Variants in PRKG1 observed in about 807,000 individuals in gnomAD.
PRKG1 encodes protein kinase cGMP-dependent 1, also known as cGMP-dependent protein kinase 1.
In PRKG1, 35 loss-of-function variants were observed where a neutral mutation model predicts 88.1. That is an observed-to-expected ratio of 0.40 (90% CI 0.30 to 0.53). PRKG1 has a LOEUF of 0.53. Ranked by LOEUF, PRKG1 falls within the 20% of genes least tolerant of loss-of-function variation. The probability of loss-of-function intolerance (pLI) is 0.59; values close to 1 mark genes in which losing one functional copy is unlikely to be tolerated. For missense variants in PRKG1, 540 were observed against 839.8 expected (o/e 0.64, Z 4.41); for synonymous variants, 303 against 292.5 (o/e 1.04, Z -0.37).
intron 3 of PRKG1, chr10:51,697,516 C>T (rs367823598): frequency 3.2e-6 from 2 of 623,204 alleles, no homozygotes; most frequent in African/African-American, 2.0e-5. Flanking sequence ...CCCTCCTCCC[C>T]CCACCCTCAA....
intron 3 of PRKG1, among the ~76,000 whole-genome samples, chr10:51,705,693 T>G (rs1589219468): frequency 6.6e-6 from 1 of 152,194 alleles, no homozygotes; most frequent in South Asian, 2.1e-4. Flanking sequence ...TGCAACCTTT[T>G]GAAGATAGGC....
At chr10:51,731,032 T>C (rs1842259962) in intron 3 of PRKG1, among the ~76,000 whole-genome samples, 1 of 152,062 alleles carries the variant, frequency 6.6e-6, no homozygotes, top group South Asian at 2.1e-4. Context: ...GGTGGGTGCC[T>C]GTAATCCCAG....
intron 9 of PRKG1, among the ~76,000 whole-genome samples, chr10:52,166,380 T>C (rs1300758074): frequency 6.6e-6 from 1 of 151,872 alleles, no homozygotes; most frequent in African/African-American, 2.4e-5. Flanking sequence ...ACTATTTGGT[T>C]CTAAGAATAA....
chr10:52,204,031 T>C (rs1443051600), intron 9 of PRKG1, among the ~76,000 whole-genome samples: 1 of 152,026 alleles, frequency 6.6e-6, no homozygotes, highest in Non-Finnish European at 1.5e-5. Context: ...AAGGTTAATA[T>C]TAATATGTGT....
At chr10:51,191,396 G>A (rs993958827) in intron 2 of PRKG1, among the ~76,000 whole-genome samples, 9 of 151,754 alleles carry the variant, frequency 5.9e-5, no homozygotes, top group African/African-American at 2.2e-4. Flanking sequence ...GTGAAATAGT[G>A]CTTACCTTGT....
intron 5 of PRKG1, among the ~76,000 whole-genome samples, chr10:51,928,179 A>C (rs1424246164): frequency 6.6e-6 from 1 of 152,176 alleles, no homozygotes; most frequent in South Asian, 2.1e-4. Flanking sequence ...GAGGTGGGAG[A>C]GAAAAAGTGT....
chr10:51,044,875 A>G (rs1294036052), intron 1 of PRKG1, among the ~76,000 whole-genome samples: 1 of 152,184 alleles, frequency 6.6e-6, no homozygotes, highest in Non-Finnish European at 1.5e-5. Flanking sequence ...TGAGTGTTTT[A>G]TCATGATGCC....
intron 5 of PRKG1, among the ~76,000 whole-genome samples, chr10:51,920,619 C>T (rs1842444440): frequency 6.6e-6 from 1 of 151,956 alleles, no homozygotes; most frequent in Non-Finnish European, 1.5e-5. Flanking sequence ...AATTATAATG[C>T]CTGGGTTTGA....
chr10:51,578,246 TC>T (rs1436414609), intron 3 of PRKG1, among the ~76,000 whole-genome samples: 1 of 152,158 alleles, frequency 6.6e-6, no homozygotes, highest in Non-Finnish European at 1.5e-5. Context: ...CCTTTTCTAC[TC>T]CTTTAGCTTG....
intron 3 of PRKG1, among the ~76,000 whole-genome samples, chr10:51,799,975 A>G (rs1839123546): frequency 6.6e-6 from 1 of 152,124 alleles, no homozygotes; most frequent in Admixed American, 6.6e-5. Context: ...ATGAATAGTG[A>G]TATAATTTAT....
intron 14 of PRKG1, 67 bp from the exon 15 acceptor site, chr10:52,288,659 A>G: frequency 6.8e-7 from 1 of 1,459,932 alleles, no homozygotes; most frequent in South Asian, 1.4e-5. Context: ...TGGAGTTTAT[A>G]GCAATTCAAG....
chr10:51,156,833 G>C (rs564728819), intron 2 of PRKG1, among the ~76,000 whole-genome samples: 6 of 152,050 alleles, frequency 3.9e-5, no homozygotes, highest in African/African-American at 1.2e-4. Flanking sequence ...TCTTGCTATA[G>C]ATGGATTCTT....
chr10:51,161,558 G>A (rs948424400), intron 2 of PRKG1, among the ~76,000 whole-genome samples: 3 of 152,116 alleles, frequency 2.0e-5, no homozygotes, highest in Non-Finnish European at 4.4e-5. Flanking sequence ...CTTCCTGAAA[G>A]CTAAAAAGTT....
At chr10:51,938,557 G>A (rs1842842905) in intron 5 of PRKG1, among the ~76,000 whole-genome samples, 1 of 151,986 alleles carries the variant, frequency 6.6e-6, no homozygotes, top group South Asian at 2.1e-4. Flanking sequence ...ACAATCTTAA[G>A]CATTCCTTTC....
Position 52,234,408 on chromosome 10 carries a change from A to C in PRKG1, c.1077-17162A>C, listed in dbSNP as rs537459927. Among the ~76,000 whole-genome samples the C allele has an allele frequency of 1.2e-4, 19 of 152,228 alleles. No homozygotes were observed. In the South Asian group the frequency reaches 3.7e-3, roughly 30 times the overall value. On this transcript the variant is annotated intron_variant, in intron 9 of 17. Transcript: ENST00000373980. ...TTCAAACCAAAGGCAAAGCAGTTGA[A>C]AACTTTGAAAAAAATTTAGAAGCAT...
intron 2 of PRKG1, among the ~76,000 whole-genome samples, chr10:51,283,788 G>T (rs569225665): frequency 2.0e-5 from 3 of 152,182 alleles, no homozygotes; most frequent in Admixed American, 2.0e-4. Flanking sequence ...TCAAAGAGTT[G>T]ATAAAACTGA....
At chr10:51,813,856 T>C (rs1839518474) in intron 4 of PRKG1, among the ~76,000 whole-genome samples, 1 of 152,092 alleles carries the variant, frequency 6.6e-6, no homozygotes, top group East Asian at 1.9e-4. Flanking sequence ...TATTTTCCCT[T>C]CCTCTCACCC....
At chr10:52,218,978 G>A (rs1247198276) in intron 9 of PRKG1, among the ~76,000 whole-genome samples, 4 of 152,086 alleles carry the variant, frequency 2.6e-5, no homozygotes, top group African/African-American at 4.8e-5. Context: ...AGTTAGATAA[G>A]CTGAAGATAA....
intron 3 of PRKG1, among the ~76,000 whole-genome samples, chr10:51,656,962 GC>G (rs1467183724): frequency 2.0e-5 from 3 of 152,128 alleles, no homozygotes; most frequent in African/African-American, 7.2e-5. Flanking sequence ...GTGGCCTTGG[GC>G]AAGTTACTTG....
Sources: allele counts gnomAD v4.1 joint callset (sites outside exome capture counted in the v4.1 genomes callset), GRCh38; gene constraint gnomAD v4.1.1; transcripts MANE v1.5; gene names NCBI Gene and HGNC (gene_info 2026-07-23, HGNC 2026-07-21).